The following IL17RB variants were observed in gnomAD, a reference collection of about 807,000 sequenced individuals.
IL17RB encodes interleukin 17 receptor B.
IL17RB carries 36 observed loss-of-function variants against 43.9 expected under a neutral mutation model. That is an observed-to-expected ratio of 0.82 (90% CI 0.63 to 1.08). The LOEUF is 1.08. IL17RB is among the 50% of genes least tolerant of loss of function. The pLI, the probability that IL17RB is intolerant of heterozygous loss-of-function variation, is 0.00. For missense variants in IL17RB, 613 were observed against 613.6 expected (o/e 1.00, Z 0.01); for synonymous variants, 225 against 225.4 (o/e 1.00, Z 0.02).
chr3:53,848,661 C>T lies in IL17RB; in HGVS notation c.61-3C>T. 6.2e-7 allele frequency: 1 copy of T among 1,613,982 alleles called. No individual in the cohort carries two copies. ...GTGACGCTTGGTTTTTTCTCTCCCA[C>T]AGACCGTTCAATGTGGCTCTGAAAC... On this transcript the variant is annotated splice_polypyrimidine_tract_variant and splice_region_variant and intron_variant, in intron 1 of 10. Coordinates refer to ENST00000288167, the MANE Select transcript of IL17RB (RefSeq NM_018725.4).
intron 1 of IL17RB, 47 bp downstream of exon 1, chr3:53,846,695 C>G (rs748296889): frequency 1.3e-6 from 2 of 1,534,634 alleles, no homozygotes; most frequent in Admixed American, 1.9e-5. Context: ...GCCCTCGAGC[C>G]CAGATCCTGA....
intron 5 of IL17RB, 121 bp from the exon 6 acceptor site, chr3:53,855,173 T>A: frequency 1.3e-5 from 5 of 390,936 alleles, no homozygotes; most frequent in Non-Finnish European, 2.0e-5. Flanking sequence ...CCATCTTACA[T>A]CTGGAATGTT....
intron 3 of IL17RB, 25 bp downstream of exon 3, chr3:53,849,820 A>G (rs1699070059): frequency 6.4e-7 from 1 of 1,571,952 alleles, no homozygotes; most frequent in Non-Finnish European, 8.7e-7. Context: ...ATCAGAGATA[A>G]GGCCCAAAGT....
intron 3 of IL17RB, among the ~76,000 whole-genome samples, chr3:53,851,255 G>C (rs1031657303): frequency 1.3e-5 from 2 of 152,158 alleles, no homozygotes; most frequent in Admixed American, 6.5e-5. Context: ...GGCACAGAGA[G>C]AGGAGTCACC....
At chr3:53,852,205 G>A (rs1247559438) in intron 4 of IL17RB, 79 bp downstream of exon 4, 80 of 1,305,810 alleles carry the variant, frequency 6.1e-5, no homozygotes, top group East Asian at 1.4e-4. Flanking sequence ...GCAGTGGTGC[G>A]ATCATGGCTC....
At position 53,849,653 on chromosome 3, in the gene IL17RB, A is replaced by C; in HGVS notation, c.86-2A>C. 1 of 1,595,060 alleles carries C rather than the reference A, an allele frequency of 6.3e-7. No homozygotes were observed. ...TGTCATGGAAGTCTTGCTTTTTCCC[A>C]GGGCCATCTCCAGAGTGGATGCTAC... On this transcript the variant is annotated splice_acceptor_variant, in intron 2 of 10. Transcript: ENST00000288167. LOFTEE classifies it high-confidence loss of function.
At position 53,860,193 on chromosome 3, in the gene IL17RB, TGCTGGTG is replaced by T. The variant is rs1269033136; in HGVS notation, c.914_920del (p.Leu305GlnfsTer5). ...CTGTCTCTGCTGGTGGCCACATGGG[TGCTGGTG>T]GCAGGGATCTATCTAATGTGGAGGC... is the stretch of plus-strand genomic sequence containing the variant. On this transcript the variant is annotated frameshift_variant, in exon 10 of 11. Coordinates refer to ENST00000288167, the MANE Select transcript of IL17RB (RefSeq NM_018725.4). LOFTEE classifies it low-confidence loss of function (END_TRUNC). The T allele has an allele frequency of 1.2e-6, 2 of 1,613,686 alleles. No homozygotes were observed. The highest frequency in any genetic ancestry group is 1.7e-6 in the Non-Finnish European group (2 of 1,179,784).
At position 53,850,043 on chromosome 3, in the gene IL17RB, A is replaced by G. The variant is rs28741389; in HGVS notation, c.226+248A>G. On this transcript the variant is annotated intron_variant, in intron 3 of 10. Coordinates refer to ENST00000288167, the MANE Select transcript of IL17RB (RefSeq NM_018725.4). Reference sequence around the variant, plus strand: ...TCCGTCACAGCAACAAGAATGAATGATCTGTAACTACGTACAACAATATGG... The same window carrying G: ...TCCGTCACAGCAACAAGAATGAATGGTCTGTAACTACGTACAACAATATGG... Among the ~76,000 whole-genome samples the G allele has an allele frequency of 0.021, 3,168 of 152,320 alleles. 92 individuals carry two copies. Among genetic ancestry groups the G allele is most frequent in the African/African-American group, 0.073 (3,020 of 41,556 alleles).
chr3:53,863,416 C>T (rs1258683421), intron 10 of IL17RB, among the ~76,000 whole-genome samples: 1 of 152,124 alleles, frequency 6.6e-6, no homozygotes, highest in Non-Finnish European at 1.5e-5. Flanking sequence ...CTCCTCTTCT[C>T]CATATGTAGG....
In IL17RB at chr3:53,856,852, T is replaced by G. The variant is rs763610688; in HGVS notation, c.538T>G (p.Trp180Gly). The G allele has an allele frequency of 6.2e-7, 1 of 1,614,134 alleles. No homozygotes were observed. The highest frequency in any genetic ancestry group is 8.5e-7 in the Non-Finnish European group (1 of 1,179,996). Reference sequence around the variant, plus strand: ...TCTCTCTCAACTCACAGGAAGCCTGTGGGATCCGAACATCACTGCTTGTAA... The same window carrying G: ...TCTCTCTCAACTCACAGGAAGCCTGGGGGATCCGAACATCACTGCTTGTAA... ...KKKCVKAGSL[W>G]DPNITACKKN... is the part of the protein sequence containing the mutation. Residue 180 changes from tryptophan (W) to glycine (G), a missense_variant, in exon 7 of 11, where the codon TGG becomes GGG. Transcript: ENST00000288167.
At chr3:53,859,931 A>C (rs1576843665) in intron 9 of IL17RB, 199 bp from the exon 10 acceptor site, 1 of 460,770 alleles carries the variant, frequency 2.2e-6, no homozygotes. Flanking sequence ...CATTGCTTGA[A>C]CCCGGGAGAC....
chr3:53,857,968 T>C, intron 8 of IL17RB: 1 of 404,282 alleles, frequency 2.5e-6, no homozygotes, highest in South Asian at 3.1e-5. Flanking sequence ...GGGATAGCAG[T>C]ACCATTTTAC....
At chr3:53,849,153 G>A (rs28385737) in intron 2 of IL17RB, among the ~76,000 whole-genome samples, 2,813 of 152,336 alleles carry the variant, frequency 0.018, 81 homozygotes, top group African/African-American at 0.065. Context: ...TGGGGGCTGT[G>A]TGGGCCAGCT....
chr3:53,861,676 A>C (rs1470148846), intron 10 of IL17RB: 2 of 152,216 alleles, frequency 1.3e-5, no homozygotes, highest in Admixed American at 1.3e-4. Flanking sequence ...ATGGTTTGAT[A>C]ATTTTTAAAA....
chr3:53,855,832 CAA>C (rs989189746), intron 6 of IL17RB, among the ~76,000 whole-genome samples: 2 of 152,188 alleles, frequency 1.3e-5, no homozygotes, highest in African/African-American at 4.8e-5. Flanking sequence ...TTTGTGTCCT[CAA>C]AGAGGATCAC....
rs1330734436 is a variant in IL17RB, at chr3:53,864,910, A to G, written c.1111A>G (p.Lys371Glu). 1.9e-6 allele frequency: 3 copies of G among 1,614,108 alleles called. No individual in the cohort carries two copies. The highest frequency in any genetic ancestry group is 1.7e-5 in the Admixed American group (1 of 60,012). The change falls in exon 11 of 11, where the codon AAG becomes GAG. Residue 371 changes from lysine to glutamate, a missense_variant. Coordinates refer to ENST00000288167, the MANE Select transcript of IL17RB (RefSeq NM_018725.4). ...GGTCATCCTTGAAAAGTGGCAGAAAAAGAAAATAGCAGAGATGGGTCCAGT... is the reference window on the plus strand; with the variant it reads ...GGTCATCCTTGAAAAGTGGCAGAAAGAGAAAATAGCAGAGATGGGTCCAGT... ...SEVILEKWQK[K>E]KIAEMGPVQW...
At position 53,864,749 on chromosome 3, in the gene IL17RB, G is replaced by A; in HGVS notation, c.950G>A (p.Arg317Lys). The A allele has an allele frequency of 6.2e-7, 1 of 1,601,288 alleles. No individual in the cohort carries two copies. The highest frequency in any genetic ancestry group is 1.3e-5 in the African/African-American group (1 of 74,684). The change falls in exon 11 of 11, where the codon AGG becomes AAG. Residue 317 changes from arginine (R) to lysine (K), a missense_variant. Physicochemically the swap from Arg to Lys is conservative, Grantham distance 26 (BLOSUM62 2). Coordinates refer to ENST00000288167, the MANE Select transcript of IL17RB (RefSeq NM_018725.4). The stretch of plus-strand genomic sequence containing the variant: ...AAATGCTTTTCTCCTCTCACAGAAA[G>A]GATCAAGAAGACTTCCTTTTCTACC... The part of the protein sequence containing the change: ...AGIYLMWRHE[R>K]IKKTSFSTTT...
intron 6 of IL17RB, among the ~76,000 whole-genome samples, chr3:53,856,552 AAG>A (rs1435704258): frequency 1.3e-5 from 2 of 152,156 alleles, no homozygotes; most frequent in Non-Finnish European, 2.9e-5. Flanking sequence ...CTTAACTCAA[AAG>A]AGAGGTTGAA....
chr3:53,860,236 T>A lies in IL17RB; in HGVS notation c.946+8T>A. On this transcript the variant is annotated splice_region_variant and intron_variant, in intron 10 of 10. Transcript: ENST00000288167. ...ATCTAATGTGGAGGCACGGTAAGGG[T>A]TATAATTCTTTAAAGACATCCTAGT... 6.3e-7 allele frequency: 1 copy of A among 1,595,318 alleles called. No homozygotes were observed. Among genetic ancestry groups the A allele is most frequent in the Non-Finnish European group, 8.6e-7 (1 of 1,168,416 alleles).
Sources: gnomAD v4.1 joint callset for allele counts (sites outside exome capture counted in the v4.1 genomes callset) on GRCh38, gnomAD v4.1.1 for gene constraint, MANE v1.5 for transcripts, NCBI Gene and HGNC (gene_info 2026-07-23, HGNC 2026-07-21) for gene names.